The following PARD3 variants were observed in gnomAD, a reference collection of about 807,000 sequenced individuals.
The protein encoded by PARD3 is partitioning defective 3 homolog.
A neutral mutation model predicts 155.4 loss-of-function variants in PARD3; 75 were observed. The ratio of observed to expected loss-of-function variants is 0.48; its 90% CI spans 0.40 to 0.58. The LOEUF is 0.58. Ranked by LOEUF, PARD3 falls within the 20% of genes least tolerant of loss-of-function variation. The pLI, the probability that PARD3 is intolerant of heterozygous loss-of-function variation, is 0.00. For synonymous variants in PARD3, 576 were observed against 610.5 expected (o/e 0.94, Z 0.83); for missense variants, 1,642 against 1,721.7 (o/e 0.95, Z 0.82).
chr10:34,177,722 G>A (rs894240339), intron 22 of PARD3, among the ~76,000 whole-genome samples: 2 of 152,260 alleles, frequency 1.3e-5, no homozygotes, highest in Admixed American at 6.5e-5. Flanking sequence ...AGGGCAGGAA[G>A]CCCACGCCAG....
intron 2 of PARD3, among the ~76,000 whole-genome samples, chr10:34,651,857 T>C (rs1034094059): frequency 6.6e-6 from 1 of 152,172 alleles, no homozygotes; most frequent in African/African-American, 2.4e-5. Flanking sequence ...ATTCCCTTAT[T>C]CCAGTTGTAC....
At chr10:34,243,219 G>A (rs1160013015) in intron 22 of PARD3, among the ~76,000 whole-genome samples, 6 of 152,168 alleles carry the variant, frequency 3.9e-5, no homozygotes, top group South Asian at 2.1e-4. Flanking sequence ...GGTGGTTCAC[G>A]TACTGACAGT....
chr10:34,773,576 C>A (rs950556679), intron 1 of PARD3, among the ~76,000 whole-genome samples: 1 of 152,196 alleles, frequency 6.6e-6, no homozygotes, highest in Non-Finnish European at 1.5e-5. Flanking sequence ...CACAACATCA[C>A]CAACAACGTC....
At chr10:34,699,009 G>A (rs1296432273) in intron 1 of PARD3, among the ~76,000 whole-genome samples, 1 of 152,112 alleles carries the variant, frequency 6.6e-6, no homozygotes, top group African/African-American at 2.4e-5. Flanking sequence ...TCTGTTGTCT[G>A]TCCTCATCTT....
intron 15 of PARD3, chr10:34,344,878 G>A (rs1038657081): frequency 1.0e-6 from 1 of 985,210 alleles, no homozygotes; most frequent in African/African-American, 1.7e-5. Context: ...AGTACAGAAA[G>A]TGTGCAACTT....
intron 3 of PARD3, among the ~76,000 whole-genome samples, chr10:34,512,220 G>A (rs999060807): frequency 6.6e-6 from 1 of 152,176 alleles, no homozygotes; most frequent in African/African-American, 2.4e-5. Context: ...GATATCCCGT[G>A]AAACCACACT....
chr10:34,168,446 C>T (rs1949639712), intron 22 of PARD3, among the ~76,000 whole-genome samples: 1 of 152,088 alleles, frequency 6.6e-6, no homozygotes, highest in Non-Finnish European at 1.5e-5. Context: ...ATGAGTGATG[C>T]CAACATGTCT....
intron 2 of PARD3, among the ~76,000 whole-genome samples, chr10:34,592,601 C>T (rs749250093): frequency 1.3e-5 from 2 of 152,074 alleles, no homozygotes; most frequent in Non-Finnish European, 2.9e-5. Flanking sequence ...CATGGTGAAA[C>T]CCTGTCTCTA....
intron 22 of PARD3, among the ~76,000 whole-genome samples, chr10:34,205,411 A>C (rs906713939): frequency 2.6e-5 from 4 of 152,184 alleles, no homozygotes; most frequent in Admixed American, 2.6e-4. Flanking sequence ...TGCGTTAGAA[A>C]ACAAATTAAT....
chr10:34,443,263 T>C (rs1221427082), intron 5 of PARD3, among the ~76,000 whole-genome samples: 1 of 152,238 alleles, frequency 6.6e-6, no homozygotes, highest in African/African-American at 2.4e-5. Flanking sequence ...AGTTTTTAAA[T>C]TTACTTTTGC....
intron 5 of PARD3, among the ~76,000 whole-genome samples, chr10:34,414,415 G>A (rs779849375): frequency 5.9e-5 from 9 of 152,022 alleles, no homozygotes; most frequent in Admixed American, 6.6e-5. Context: ...ACACTCAGTC[G>A]GCCTTGCAAC....
intron 3 of PARD3, among the ~76,000 whole-genome samples, chr10:34,506,631 A>G (rs376555213): frequency 6.6e-6 from 1 of 152,216 alleles, no homozygotes; most frequent in African/African-American, 2.4e-5. Context: ...GAAATGTTTC[A>G]GTCCACCGAG....
chr10:34,324,309 C>T (rs997347891), intron 19 of PARD3, among the ~76,000 whole-genome samples: 1 of 152,124 alleles, frequency 6.6e-6, no homozygotes, highest in Non-Finnish European at 1.5e-5. Context: ...GCAAAAATTT[C>T]CTGATGTTAA....
intron 12 of PARD3, among the ~76,000 whole-genome samples, chr10:34,370,504 T>C (rs548314758): frequency 1.3e-5 from 2 of 152,260 alleles, no homozygotes; most frequent in South Asian, 4.1e-4. Flanking sequence ...GGTCTTAATC[T>C]CCTGGGCTCA....
chr10:34,414,382 T>C (rs557080458), intron 5 of PARD3, among the ~76,000 whole-genome samples: 1 of 152,316 alleles, frequency 6.6e-6, no homozygotes, highest in South Asian at 2.1e-4. Flanking sequence ...ATGACATTGC[T>C]AGCCATAAAA....
At chr10:34,173,990 C>T (rs978336451) in intron 22 of PARD3, among the ~76,000 whole-genome samples, 19 of 152,188 alleles carry the variant, frequency 1.2e-4, no homozygotes, top group African/African-American at 4.6e-4. Flanking sequence ...GACACTGCTG[C>T]ACCCCCAAGG....
At chr10:34,436,686 G>A (rs1206567320) in intron 5 of PARD3, among the ~76,000 whole-genome samples, 1 of 152,118 alleles carries the variant, frequency 6.6e-6, no homozygotes, top group African/African-American at 2.4e-5. Context: ...CAACAGCAAA[G>A]GATAGTAAAT....
At chr10:34,768,088 G>C (rs564184865) in intron 1 of PARD3, among the ~76,000 whole-genome samples, 8 of 152,178 alleles carry the variant, frequency 5.3e-5, no homozygotes, top group Admixed American at 1.3e-4. Context: ...CACTTAACTA[G>C]ACTTCAGTGC....
chr10:34,345,110 C>T (rs866040004), intron 15 of PARD3: 6 of 984,056 alleles, frequency 6.1e-6, no homozygotes, highest in Middle Eastern at 5.2e-4. Context: ...TCTCAGCATT[C>T]CCCAGAGAGG....
Sources: allele counts gnomAD v4.1 joint callset (sites outside exome capture counted in the v4.1 genomes callset), GRCh38; gene constraint gnomAD v4.1.1; transcripts MANE v1.5; gene names NCBI Gene and HGNC (gene_info 2026-07-23, HGNC 2026-07-21).